The following FARP2 variants were observed in gnomAD, a reference collection of about 807,000 sequenced individuals.
The protein encoded by FARP2 is FERM, ARH/RhoGEF and pleckstrin domain protein 2, also known as FERM, ARHGEF and pleckstrin domain-containing protein 2.
FARP2 carries 111 observed loss-of-function variants against 130.5 expected under a neutral mutation model. The ratio of observed to expected loss-of-function variants is 0.85; its 90% confidence interval spans 0.73 to 1.00. The LOEUF (loss-of-function observed/expected upper bound fraction) is 1.00. FARP2 is among the 50% of genes least tolerant of loss of function. FARP2 has a pLI of 0.00. For missense variants in FARP2, 1,385 were observed against 1,346.3 expected, an observed-to-expected ratio of 1.03 and a Z score of -0.45; for synonymous variants, 504 against 516.9, an observed-to-expected ratio of 0.98 and a Z score of 0.34.
intron 1 of FARP2, among the ~76,000 whole-genome samples, chr2:241,357,366 C>A (rs929931196): frequency 1.3e-5 from 2 of 152,048 alleles, no homozygotes; most frequent in South Asian, 4.1e-4. Context: ...TTTCTCAGTA[C>A]CAGAGAGATG....
intron 2 of FARP2, among the ~76,000 whole-genome samples, chr2:241,386,251 A>G (rs1027567311): frequency 3.3e-5 from 5 of 152,012 alleles, no homozygotes; most frequent in Non-Finnish European, 7.4e-5. Flanking sequence ...ATTAAAAAAT[A>G]TATATTTTTT....
chr2:241,484,186 G>A, intron 20 of FARP2, 56 bp from the exon 21 acceptor site: 1 of 1,608,836 alleles, frequency 6.2e-7, no homozygotes, highest in East Asian at 2.2e-5. Flanking sequence ...AAGTTGGTCT[G>A]ACTATTAAGA....
chr2:241,425,905 C>G (rs1364609126), intron 8 of FARP2, among the ~76,000 whole-genome samples: 1 of 148,636 alleles, frequency 6.7e-6, no homozygotes, highest in African/African-American at 2.5e-5. Flanking sequence ...TTACTCAAAT[C>G]AGTTTCCCCG....
intron 18 of FARP2, among the ~76,000 whole-genome samples, chr2:241,473,337 C>T: frequency 6.6e-6 from 1 of 151,050 alleles, no homozygotes; most frequent in East Asian, 2.0e-4. Context: ...GACCATGTTC[C>T]AAGAGGACCC....
intron 2 of FARP2, among the ~76,000 whole-genome samples, chr2:241,399,794 ATTG>A (rs2062121450): frequency 6.6e-6 from 1 of 152,066 alleles, no homozygotes; most frequent in East Asian, 1.9e-4. Context: ...CCCAAGCTTT[ATTG>A]TTGTGCCTTT....
chr2:241,487,779 G>T (rs1487872877), intron 21 of FARP2, among the ~76,000 whole-genome samples: 2 of 76,620 alleles, frequency 2.6e-5, no homozygotes, highest in Non-Finnish European at 4.7e-5. Context: ...AGATGGAATC[G>T]CTCTGTCGCC....
At position 241,434,998 on chromosome 2, in the gene FARP2, A is replaced by C; in HGVS notation, c.1068A>C (p.Lys356Asn). 6.3e-7 allele frequency: 1 copy of C among 1,598,398 alleles called. No homozygotes were observed. Among genetic ancestry groups the C allele is most frequent in the East Asian group, 2.2e-5 (1 of 44,586 alleles). Residue 356 changes from lysine to asparagine, a missense_variant, in exon 11 of 27, where the codon AAA (lysine) becomes AAC (asparagine). Coordinates refer to ENST00000264042, the MANE Select transcript of FARP2 (RefSeq NM_014808.4). The part of the protein sequence containing the change: ...RTQKQLVDYF[K>N]DSGMKRIPYE... ...AGAAACAACTAGTAGATTATTTCAA[A>C]GACAGTGGAATGAAGAGAATTCCAT...
At chr2:241,493,549 G>T in intron 26 of FARP2, 105 bp downstream of exon 26, 1 of 1,051,230 alleles carries the variant, frequency 9.5e-7, no homozygotes, top group Non-Finnish European at 1.4e-6. Flanking sequence ...CCCTGGAAAG[G>T]AAGGGCTGAG....
chr2:241,465,694 G>A lies in FARP2; in HGVS notation c.1893+1714G>A, dbSNP rs190356373. The A allele has an allele frequency of 4.1e-4, 635 of 1,550,876 alleles. 1 individual carries two copies. The highest frequency in any genetic ancestry group is 7.6e-4 in the South Asian group (64 of 84,042). On this transcript the variant is annotated intron_variant, in intron 17 of 26. Transcript: ENST00000264042. Reference sequence around the variant, plus strand: ...CTCAGGCTGCTCATGAGTTCACCACGTGACCGCCCAAGGTGTGGAGCTCTG... The same window carrying A: ...CTCAGGCTGCTCATGAGTTCACCACATGACCGCCCAAGGTGTGGAGCTCTG...
intron 2 of FARP2, among the ~76,000 whole-genome samples, chr2:241,377,029 C>T (rs2061550134): frequency 6.6e-6 from 1 of 152,166 alleles, no homozygotes; most frequent in Non-Finnish European, 1.5e-5. Flanking sequence ...GAATTTTTCC[C>T]TCTATAGCAG....
At position 241,433,717 on chromosome 2, in the gene FARP2, A is replaced by T. The variant is rs186714750; in HGVS notation, c.868-441A>T. Among the ~76,000 whole-genome samples, 15 of 152,298 alleles carry T rather than the reference A, an allele frequency of 9.8e-5. No individual in the cohort carries two copies. The East Asian group carries it at 2.9e-3, about 29-fold the overall frequency. Reference sequence around the variant, plus strand: ...AGCAGATGGAACCAGAAGACTTTGTATACAACTTTTAGAAAAACCCTTCCT... The same window carrying T: ...AGCAGATGGAACCAGAAGACTTTGTTTACAACTTTTAGAAAAACCCTTCCT... On this transcript the variant is annotated intron_variant, in intron 9 of 26. Transcript: ENST00000264042.
chr2:241,466,006 T>A, intron 17 of FARP2: 1 of 1,358,642 alleles, frequency 7.4e-7, no homozygotes, highest in Non-Finnish European at 9.5e-7. Context: ...AAAATTGAAA[T>A]ATACACAAAT....
intron 11 of FARP2, 77 bp from the exon 12 acceptor site, chr2:241,436,404 T>C (rs1574822116): frequency 7.9e-7 from 1 of 1,273,610 alleles, no homozygotes. Context: ...ATGGATACAG[T>C]ACATGCTTGC....
intron 24 of FARP2, among the ~76,000 whole-genome samples, chr2:241,492,194 C>CTTTTG (rs2064942768): frequency 6.6e-6 from 1 of 152,146 alleles, no homozygotes; most frequent in Non-Finnish European, 1.5e-5. Flanking sequence ...TTTTTGCTGT[C>CTTTTG]TCCCCATAAT....
intron 2 of FARP2, among the ~76,000 whole-genome samples, chr2:241,377,406 A>G (rs1034569575): frequency 2.0e-5 from 3 of 151,234 alleles, no homozygotes; most frequent in African/African-American, 4.9e-5. Flanking sequence ...CAGTGGCGCA[A>G]TCTCGGCTCA....
chr2:241,397,142 C>T (rs983335621), intron 2 of FARP2, among the ~76,000 whole-genome samples: 8 of 151,960 alleles, frequency 5.3e-5, no homozygotes, highest in Non-Finnish European at 8.8e-5. Context: ...AGTGAGAACA[C>T]GTGGACACAG....
intron 17 of FARP2, chr2:241,466,121 G>T: frequency 9.3e-7 from 1 of 1,072,750 alleles, no homozygotes; most frequent in East Asian, 7.2e-5. Context: ...CAAGAGCTCT[G>T]TCCACAAAAC....
intron 2 of FARP2, among the ~76,000 whole-genome samples, chr2:241,386,427 T>A (rs1440548694): frequency 6.6e-6 from 1 of 152,108 alleles, no homozygotes; most frequent in African/African-American, 2.4e-5. Flanking sequence ...AAAGAAAAGC[T>A]TTATTGCCAG....
intron 13 of FARP2, among the ~76,000 whole-genome samples, chr2:241,452,352 T>G (rs2063682068): frequency 6.6e-6 from 1 of 152,064 alleles, no homozygotes; most frequent in African/African-American, 2.4e-5. Context: ...GTCCAACAAC[T>G]TCGTGTATAA....
Sources: gnomAD v4.1 joint callset for allele counts (sites outside exome capture counted in the v4.1 genomes callset) on GRCh38, gnomAD v4.1.1 for gene constraint, MANE v1.5 for transcripts, NCBI Gene and HGNC (gene_info 2026-07-23, HGNC 2026-07-21) for gene names.